Variants in NSD3 observed in about 807,000 individuals in gnomAD.
NSD3 encodes nuclear receptor binding SET domain protein 3, also known as histone-lysine N-methyltransferase NSD3.
Under a neutral mutation model 160.8 loss-of-function variants are expected in NSD3, and 24 were observed. That is an observed-to-expected ratio of 0.15 (90% CI 0.11 to 0.21). NSD3 has a LOEUF of 0.21. Ranked by LOEUF, NSD3 falls within the 10% of genes least tolerant of loss-of-function variation. NSD3 has a pLI of 1.00. For synonymous variants in NSD3, 520 were observed against 600.0 expected (o/e 0.87, Z 1.95); for missense variants, 1,157 against 1,735.9 (o/e 0.67, Z 5.93).
chr8:38,317,010 C>T lies in NSD3; in HGVS notation c.1856-968G>A. 2 of 1,059,570 alleles carry T rather than the reference C, an allele frequency of 1.9e-6. No individual in the cohort carries two copies. Among genetic ancestry groups the T allele is most frequent in the Non-Finnish European group, 2.3e-6 (2 of 875,718 alleles). 65.6% of individuals were successfully genotyped at this position (1,059,570 alleles called of 1,614,324 possible). A position where few individuals can be genotyped will look rare whatever the true frequency, so the allele number is the denominator to read the frequency against. On this transcript the variant is annotated intron_variant, in intron 9 of 23. Coordinates refer to ENST00000317025, the MANE Select transcript of NSD3 (RefSeq NM_023034.2). This position sits in a 1 kb window ranked among gnomAD's most constrained non-coding sequence, Gnocchi z 5.3. ...CCACAGTTTGTGTTTTGGATTTTTT[C>T]CCCCAAAATTTCCATACAACAAACA...
At chr8:38,306,332 C>T (rs7839388) in intron 12 of NSD3, among the ~76,000 whole-genome samples, 6 of 151,900 alleles carry the variant, frequency 3.9e-5, no homozygotes, top group Admixed American at 1.3e-4. Context: ...AAAGAACTTA[C>T]GAACAATGGC....
intron 1 of NSD3, among the ~76,000 whole-genome samples, chr8:38,371,435 C>T (rs1337546674): frequency 6.6e-6 from 1 of 152,120 alleles, no homozygotes; most frequent in African/African-American, 2.4e-5. Context: ...ATACACAAAG[C>T]CACATTACCT....
intron 1 of NSD3, among the ~76,000 whole-genome samples, chr8:38,378,968 C>A (rs953472488): frequency 1.3e-4 from 20 of 152,186 alleles, no homozygotes; most frequent in African/African-American, 4.8e-4. Flanking sequence ...ATTATAAATT[C>A]CAGAAACGCT....
rs766932248 is a variant in NSD3, at chr8:38,329,700, C to A, written c.1259G>T (p.Arg420Leu). The change falls in exon 6 of 24, where the codon CGA (arginine) becomes CTA (leucine). Residue 420 changes from arginine to leucine, a missense_variant. This residue lies in a region of NSD3 where 168 missense variants were observed against 208.1 expected (regional missense o/e 0.81). Coordinates refer to ENST00000317025, the MANE Select transcript of NSD3 (RefSeq NM_023034.2). The surrounding 1 kb of genome is among the most constrained non-coding windows in gnomAD (Gnocchi z 4.8). ...VASKTEVKKT[R>L]RPRSVLNTQP... ...AGTATTCAGCACAGATCTTGGTCGTCGGGTTTTTTTAACTTCGGTTTTGGA... is the reference window on the plus strand; with the variant it reads ...AGTATTCAGCACAGATCTTGGTCGTAGGGTTTTTTTAACTTCGGTTTTGGA... 1.9e-6 allele frequency: 3 copies of A among 1,614,086 alleles called. No homozygotes were observed. The highest frequency in any genetic ancestry group is 1.3e-5 in the African/African-American group (1 of 74,932).
chr8:38,279,299 G>A (rs1808681361), intron 21 of NSD3, among the ~76,000 whole-genome samples: 2 of 152,182 alleles, frequency 1.3e-5, no homozygotes, highest in African/African-American at 2.4e-5. Context: ...TGTCAGACCC[G>A]CTCTTACATA....
intron 14 of NSD3, among the ~76,000 whole-genome samples, chr8:38,303,823 T>A (rs1343599167): frequency 1.3e-5 from 2 of 152,136 alleles, no homozygotes; most frequent in Non-Finnish European, 2.9e-5. Flanking sequence ...AAAGCAATAT[T>A]TAGGGATATT....
Position 38,270,830 on chromosome 8 carries a change from G to C in NSD3, c.*4811C>G, listed in dbSNP as rs1221581485. On this transcript the variant is annotated 3_prime_UTR_variant, in exon 24 of 24. Transcript: ENST00000317025. ...AAATTACTTTTACAGCCTACTGAAG[G>C]ACAGGCAATTCTCATCCCCCTCCCG... 1 of 152,170 alleles carries C rather than the reference G, an allele frequency of 6.6e-6. No individual in the cohort carries two copies. The highest frequency in any genetic ancestry group is 6.5e-5 in the Admixed American group (1 of 15,286). 9.4% of individuals were successfully genotyped at this position (152,170 alleles called of 1,614,324 possible).
intron 6 of NSD3, among the ~76,000 whole-genome samples, chr8:38,328,101 C>T (rs550796374): frequency 6.6e-6 from 1 of 151,988 alleles, no homozygotes; most frequent in African/African-American, 2.4e-5. Flanking sequence ...TTTGGAAGGC[C>T]AAGGCAGAAG....
intron 7 of NSD3, among the ~76,000 whole-genome samples, chr8:38,322,916 A>G (rs1367824906): frequency 6.6e-6 from 1 of 152,258 alleles, no homozygotes; most frequent in East Asian, 1.9e-4. Flanking sequence ...TGACTTTTCA[A>G]CTACTGAAGT....
rs370651535 is a variant in NSD3 at position 38,359,002 on chromosome 8, C to T, written c.-44-10787G>A. On this transcript the variant is annotated intron_variant, in intron 1 of 23. Coordinates refer to ENST00000317025, the MANE Select transcript of NSD3 (RefSeq NM_023034.2). ...CCAGAAACTCTACAAAGAAAAAATG[C>T]GTAACTATAGAAGATGCTAAAATCC... 8.9e-4 allele frequency among the ~76,000 whole-genome samples: 135 copies of T among 151,904 alleles called. 2 individuals carry two copies. Among genetic ancestry groups the T allele is most frequent in the Middle Eastern group, 3.4e-3 (1 of 294 alleles).
chr8:38,349,665 T>TTATA (rs71519992), intron 1 of NSD3, among the ~76,000 whole-genome samples: 15,547 of 109,142 alleles, frequency 0.14, 1,130 homozygotes, highest in East Asian at 0.2. Context: ...ATTTCTTTCT[T>TTATA]TATATATATA....
At position 38,321,443 on chromosome 8, in the gene NSD3, TA is replaced by T. The variant is rs1356899414; in HGVS notation, c.1709-272del. Among the ~76,000 whole-genome samples, 6 of 152,146 alleles carry T rather than the reference TA, an allele frequency of 3.9e-5. No individual in the cohort carries two copies. The highest frequency in any genetic ancestry group is 8.8e-5 in the Non-Finnish European group (6 of 68,002). On this transcript the variant is annotated intron_variant, in intron 7 of 23. Transcript: ENST00000317025. The surrounding 1 kb of genome is among the most constrained non-coding windows in gnomAD (Gnocchi z 4.7). The stretch of plus-strand genomic sequence containing the variant: ...TTTTTTAAAAATTGAAAAGTCAAAC[TA>T]AAACAGCAGACACATTAGTTTTAAA...
In NSD3 at chr8:38,272,321, A is replaced by G. The variant is rs1808501310; in HGVS notation, c.*3320T>C. ...TGAGGCCAGATCATTTTTGAGAATT[A>G]AGATAAGAGTGGGAACTTGTTAAAA... On this transcript the variant is annotated 3_prime_UTR_variant, in exon 24 of 24. Transcript: ENST00000317025. 6.6e-6 allele frequency: 1 copy of G among 152,052 alleles called. No homozygotes were observed. Among genetic ancestry groups the G allele is most frequent in the Non-Finnish European group, 1.5e-5 (1 of 67,964 alleles). The allele number at this position is 152,052 out of a possible 1,614,324, so 9.4% of individuals were successfully genotyped here.
At chr8:38,283,861 G>A (rs6984464) in intron 19 of NSD3, among the ~76,000 whole-genome samples, 29,542 of 152,036 alleles carry the variant, frequency 0.19, 3,297 homozygotes, top group East Asian at 0.31. Context: ...CTAGCACTTT[G>A]GGAGGCTGAG....
chr8:38,312,111 G>A (rs1000102310), intron 12 of NSD3, among the ~76,000 whole-genome samples: 1 of 152,090 alleles, frequency 6.6e-6, no homozygotes, highest in Non-Finnish European at 1.5e-5. Flanking sequence ...ATATGCAAGT[G>A]CTTACTCCTG....
rs1201105604 is a variant in NSD3 at position 38,270,428 on chromosome 8, C to T, written c.*5213G>A. The T allele has an allele frequency of 6.6e-6, 1 of 152,194 alleles. No homozygotes were observed. Among genetic ancestry groups the T allele is most frequent in the Non-Finnish European group, 1.5e-5 (1 of 68,040 alleles). The allele number at this position is 152,194 out of a possible 1,614,324, so 9.4% of individuals were successfully genotyped here. A position where few individuals can be genotyped will look rare whatever the true frequency, so the allele number is the denominator to read the frequency against. On this transcript the variant is annotated 3_prime_UTR_variant, in exon 24 of 24. Transcript: ENST00000317025. ...TTCTCATATCAATTCCAAATATACA[C>T]ATACCCTTGTATATAAAAAATGATA...
At chr8:38,354,839 C>G (rs1490061292) in intron 1 of NSD3, among the ~76,000 whole-genome samples, 1 of 151,980 alleles carries the variant, frequency 6.6e-6, no homozygotes, top group African/African-American at 2.4e-5. Flanking sequence ...GTGCCATGTT[C>G]TAAGCAAACA....
intron 1 of NSD3, among the ~76,000 whole-genome samples, chr8:38,359,172 A>C (rs1810898291): frequency 1.3e-5 from 2 of 152,300 alleles, no homozygotes; most frequent in East Asian, 3.9e-4. Context: ...TAATTAAAAA[A>C]TTTTTAGTAA....
chr8:38,324,479 G>C (rs1181372882), intron 7 of NSD3, among the ~76,000 whole-genome samples: 1 of 152,076 alleles, frequency 6.6e-6, no homozygotes, highest in Non-Finnish European at 1.5e-5. Context: ...TACACTTTAT[G>C]CCACTCAGTC....
Sources: allele counts gnomAD v4.1 joint callset (sites outside exome capture counted in the v4.1 genomes callset), GRCh38; gene constraint gnomAD v4.1.1; regional missense constraint gnomAD v4.1.1; non-coding constraint Gnocchi (gnomAD v3.1); transcripts MANE v1.5; gene names NCBI Gene and HGNC (gene_info 2026-07-23, HGNC 2026-07-21).